Variants in DCC observed in about 807,000 individuals in gnomAD.
DCC encodes the protein DCC netrin 1 receptor.
A neutral mutation model predicts 172.5 loss-of-function variants in DCC; 58 were observed. The observed-to-expected ratio is 0.34, with a 90% CI of 0.27 to 0.42. The LOEUF (loss-of-function observed/expected upper bound fraction) is 0.42. Ranked by LOEUF, DCC falls within the 10% of genes least tolerant of loss-of-function variation. The pLI is 1.00. For missense variants in DCC, 1,740 were observed against 1,791.0 expected (o/e 0.97, Z 0.51); for synonymous variants, 709 against 644.5 (o/e 1.10, Z -1.52).
At chr18:52,590,935 A>G (rs1390735998) in intron 1 of DCC, among the ~76,000 whole-genome samples, 1 of 152,262 alleles carries the variant, frequency 6.6e-6, no homozygotes, top group Non-Finnish European at 1.5e-5. Context: ...GATTACAAGT[A>G]GATGAATGTC....
chr18:52,700,763 G>A (rs779382426), intron 1 of DCC, among the ~76,000 whole-genome samples: 2 of 152,218 alleles, frequency 1.3e-5, no homozygotes, highest in African/African-American at 4.8e-5. Context: ...AACTGACAGA[G>A]TCGGCTTATA....
At chr18:53,295,173 T>C (rs563734539) in intron 12 of DCC, among the ~76,000 whole-genome samples, 3 of 152,284 alleles carry the variant, frequency 2.0e-5, no homozygotes, top group African/African-American at 7.2e-5. Flanking sequence ...TGATACATTT[T>C]GTCTAACAGT....
chr18:52,975,026 G>A (rs1366943032), intron 5 of DCC, among the ~76,000 whole-genome samples: 3 of 152,122 alleles, frequency 2.0e-5, no homozygotes, highest in Admixed American at 6.6e-5. Flanking sequence ...AGAAACAGAG[G>A]ACGGACCTTG....
chr18:52,425,717 A>C (rs1401786806), intron 1 of DCC, among the ~76,000 whole-genome samples: 1 of 152,112 alleles, frequency 6.6e-6, no homozygotes, highest in Non-Finnish European at 1.5e-5. Context: ...TCCCACCCTC[A>C]TTCATTGGGA....
chr18:52,595,092 T>C (rs959331465), intron 1 of DCC, among the ~76,000 whole-genome samples: 4 of 152,202 alleles, frequency 2.6e-5, no homozygotes, highest in African/African-American at 9.6e-5. Flanking sequence ...CCAATTCTCA[T>C]ACTGGATCAT....
intron 25 of DCC, among the ~76,000 whole-genome samples, chr18:53,484,547 T>C (rs186760614): frequency 1.3e-5 from 2 of 152,140 alleles, no homozygotes; most frequent in Admixed American, 6.5e-5. Flanking sequence ...TGCTCTCTCC[T>C]AGGAATTAAC....
chr18:53,144,370 T>G (rs2043874238), intron 7 of DCC, among the ~76,000 whole-genome samples: 1 of 152,212 alleles, frequency 6.6e-6, no homozygotes, highest in Non-Finnish European at 1.5e-5. Context: ...CTGGGTAATT[T>G]ATAAAGGAAA....
intron 1 of DCC, among the ~76,000 whole-genome samples, chr18:52,422,201 T>A (rs1050840829): frequency 5.3e-5 from 8 of 152,132 alleles, no homozygotes; most frequent in African/African-American, 1.9e-4. Context: ...AAATGACAAA[T>A]AAATGTTTGA....
rs57174501 is a variant in DCC, at chr18:53,365,393, A to AATAT, written c.2360-20638_2360-20635dup. Among the ~76,000 whole-genome samples, 356 of 147,400 alleles carry AATAT rather than the reference A, an allele frequency of 2.4e-3. 2 individuals carry two copies. The highest frequency in any genetic ancestry group is 7.6e-3 in the African/African-American group (301 of 39,680). On this transcript the variant is annotated intron_variant, in intron 15 of 28. Transcript: ENST00000442544. ...GGTACCCTAGAACTTAAAGTACAGT[A>AATAT]ATATATATATATATAAAAGAAAAGT...
At chr18:52,885,237 C>G (rs142740618) in intron 2 of DCC, among the ~76,000 whole-genome samples, 126 of 152,240 alleles carry the variant, frequency 8.3e-4, no homozygotes, top group African/African-American at 2.9e-3. Context: ...GTTCTCCTCC[C>G]TTCAGAGTGG....
At chr18:53,063,009 C>T (rs1006588512) in intron 5 of DCC, among the ~76,000 whole-genome samples, 4 of 152,012 alleles carry the variant, frequency 2.6e-5, no homozygotes, top group African/African-American at 9.7e-5. Flanking sequence ...CAATTGGGTA[C>T]ATAACACATG....
At chr18:52,614,749 C>T (rs2034345879) in intron 1 of DCC, among the ~76,000 whole-genome samples, 1 of 151,864 alleles carries the variant, frequency 6.6e-6, no homozygotes, top group South Asian at 2.1e-4. Flanking sequence ...GAATATAAAG[C>T]ATGTTACATC....
At chr18:53,516,631 G>T (rs933121130) in intron 27 of DCC, among the ~76,000 whole-genome samples, 2 of 151,108 alleles carry the variant, frequency 1.3e-5, no homozygotes, top group African/African-American at 4.9e-5. Flanking sequence ...TCAAAAAGTG[G>T]GCAAAGCACA....
chr18:52,789,446 CAT>C (rs1200412788), intron 2 of DCC, among the ~76,000 whole-genome samples: 5 of 152,076 alleles, frequency 3.3e-5, no homozygotes, highest in African/African-American at 1.2e-4. Context: ...AAGAGACAAA[CAT>C]AAAGGCCTTT....
intron 1 of DCC, among the ~76,000 whole-genome samples, chr18:52,366,004 T>C (rs1984832209): frequency 6.6e-6 from 1 of 152,210 alleles, no homozygotes; most frequent in African/African-American, 2.4e-5. Context: ...CGTTATGGAA[T>C]TGTTCTTAGA....
At chr18:52,795,764 A>G (rs1353235440) in intron 2 of DCC, among the ~76,000 whole-genome samples, 1 of 151,930 alleles carries the variant, frequency 6.6e-6, no homozygotes, top group African/African-American at 2.4e-5. Context: ...TGCTTTTGCT[A>G]CATTCCATTG....
intron 1 of DCC, among the ~76,000 whole-genome samples, chr18:52,433,726 T>C (rs955358390): frequency 3.3e-5 from 5 of 152,230 alleles, no homozygotes; most frequent in African/African-American, 1.2e-4. Flanking sequence ...ATTCCCCTTT[T>C]TAAATCTGAT....
chr18:53,348,324 C>T (rs1471893761), intron 15 of DCC, among the ~76,000 whole-genome samples: 1 of 152,196 alleles, frequency 6.6e-6, no homozygotes, highest in African/African-American at 2.4e-5. Context: ...AAAATGATCT[C>T]CTTTGACTCC....
chr18:52,945,905 C>G (rs2040537913), intron 5 of DCC, among the ~76,000 whole-genome samples: 1 of 152,166 alleles, frequency 6.6e-6, no homozygotes, highest in East Asian at 1.9e-4. Flanking sequence ...CATCTGAATT[C>G]CTCTGGAAAA....
Sources: gnomAD v4.1 joint callset for allele counts (sites outside exome capture counted in the v4.1 genomes callset) on GRCh38, gnomAD v4.1.1 for gene constraint, MANE v1.5 for transcripts, NCBI Gene and HGNC (gene_info 2026-07-23, HGNC 2026-07-21) for gene names.